The following MARK2 variants were observed in gnomAD, a reference collection of about 807,000 sequenced individuals.
MARK2 encodes the protein serine/threonine-protein kinase MARK2.
MARK2 carries 16 observed loss-of-function variants against 89.8 expected under a neutral mutation model. That is an observed-to-expected ratio of 0.18 (90% CI 0.12 to 0.27). The LOEUF (loss-of-function observed/expected upper bound fraction) is 0.27. MARK2 is among the 10% of genes least tolerant of loss of function. MARK2 has a pLI of 1.00. For synonymous variants in MARK2, 382 were observed against 399.5 expected (o/e 0.96, Z 0.52); for missense variants, 621 against 1,049.9 (o/e 0.59, Z 5.65).
chr11:63,890,022 G>A (rs4980528), intron 1 of MARK2, among the ~76,000 whole-genome samples: 74,410 of 152,044 alleles, frequency 0.49, 20,203 homozygotes, highest in East Asian at 0.88. Context: ...TGAGACCCAG[G>A]GCCAAGCTGA....
intron 1 of MARK2, among the ~76,000 whole-genome samples, chr11:63,848,271 C>T (rs1193644035): frequency 6.6e-6 from 1 of 152,230 alleles, no homozygotes. Flanking sequence ...CTGGTTGCCC[C>T]TGTTGATACT....
intron 1 of MARK2, among the ~76,000 whole-genome samples, chr11:63,866,858 C>G (rs914149274): frequency 2.6e-5 from 4 of 152,160 alleles, no homozygotes; most frequent in Admixed American, 2.0e-4. Flanking sequence ...AATCTTTACC[C>G]CCCAGGCTCT....
chr11:63,840,226 C>A (rs1368647770), intron 1 of MARK2, among the ~76,000 whole-genome samples: 1 of 152,180 alleles, frequency 6.6e-6, no homozygotes, highest in Non-Finnish European at 1.5e-5. Context: ...CAGGAGCTCC[C>A]TGGATCCTGG....
intron 18 of MARK2, 72 bp downstream of exon 18, chr11:63,908,376 C>G (rs1346902061): frequency 1.6e-6 from 2 of 1,283,516 alleles, no homozygotes; most frequent in East Asian, 5.0e-5. Flanking sequence ...CTCCTCTCTT[C>G]CTTCTGCCAC....
In MARK2 at chr11:63,839,166, C is replaced by A. The variant is rs143952440; in HGVS notation, c.-341C>A. The A allele has an allele frequency of 1.5e-5, 3 of 202,724 alleles. No individual in the cohort carries two copies. The highest frequency in any genetic ancestry group is 2.4e-5 in the African/African-American group (1 of 42,550). The allele number at this position is 202,724 out of a possible 1,614,324, so 12.6% of individuals were successfully genotyped here. On this transcript the variant is annotated 5_prime_UTR_variant, in exon 1 of 19. Coordinates refer to ENST00000402010, the MANE Select transcript of MARK2 (RefSeq NM_001039469.3). ...GGTCCGGCGGCGGCTGCCTGTGTGCCGGGCGCGGAGCAGTGCCGCTGAGGG... is the reference window on the plus strand; with the variant it reads ...GGTCCGGCGGCGGCTGCCTGTGTGCAGGGCGCGGAGCAGTGCCGCTGAGGG...
chr11:63,894,144 G>A (rs1032399101), intron 1 of MARK2, among the ~76,000 whole-genome samples: 2 of 152,194 alleles, frequency 1.3e-5, no homozygotes, highest in African/African-American at 2.4e-5. Context: ...CATTGTACAA[G>A]TATTCATTGA....
chr11:63,854,186 C>CTGTG (rs55689743), intron 1 of MARK2, among the ~76,000 whole-genome samples: 39,053 of 141,222 alleles, frequency 0.28, 5,714 homozygotes, highest in Non-Finnish European at 0.33. Flanking sequence ...ACTATTAATT[C>CTGTG]TGTGTGTGTG....
At chr11:63,895,658 C>CGTTTTT in intron 3 of MARK2, 25 bp downstream of exon 3, 1 of 1,161,440 alleles carries the variant, frequency 8.6e-7, no homozygotes, top group Non-Finnish European at 1.2e-6. Context: ...CCTCCTGTCC[C>CGTTTTT]TTTTTTTTTT....
At position 63,900,035 on chromosome 11, in the gene MARK2, G is replaced by A. The variant is rs769985309; in HGVS notation, c.693G>A (p.Val231=). ...GCAAAAAATATGATGGACCCGAGGT[G>A]GATGTGTGGAGCCTAGGAGTTATCC... ...FQGKKYDGPE[V]DVWSLGVILY... The change falls in exon 8 of 19, where the codon GTG becomes GTA. Residue 231 remains valine (V), a synonymous_variant. Coordinates refer to ENST00000402010, the MANE Select transcript of MARK2 (RefSeq NM_001039469.3). The surrounding 1 kb of genome is among the most constrained non-coding windows in gnomAD (Gnocchi z 4.7). The A allele has an allele frequency of 6.2e-7, 1 of 1,614,204 alleles. No homozygotes were observed. The highest frequency in any genetic ancestry group is 1.7e-5 in the Admixed American group (1 of 60,024).
At chr11:63,888,887 C>T (rs532032745) in intron 1 of MARK2, 1 of 1,342,084 alleles carries the variant, frequency 7.5e-7, no homozygotes, top group South Asian at 1.2e-5. Context: ...TGTACTTTGC[C>T]CTCGCTGCCT....
intron 16 of MARK2, 34 bp downstream of exon 16, chr11:63,905,077 A>ATGAG: frequency 1.0e-6 from 1 of 984,688 alleles, no homozygotes; most frequent in Non-Finnish European, 1.4e-6. Flanking sequence ...AGAGAGGCTC[A>ATGAG]GGCCAGGCCT....
chr11:63,900,758 T>TTC lies in MARK2; in HGVS notation c.889-21_889-20insCT. 6.8e-6 allele frequency: 11 copies of TTC among 1,614,022 alleles called. No individual in the cohort carries two copies. Among genetic ancestry groups the TTC allele is most frequent in the Non-Finnish European group, 9.3e-6 (11 of 1,179,880 alleles). On this transcript the variant is annotated intron_variant, in intron 9 of 18. Coordinates refer to ENST00000402010, the MANE Select transcript of MARK2 (RefSeq NM_001039469.3). This position sits in a 1 kb window ranked among gnomAD's most constrained non-coding sequence, Gnocchi z 4.7. ...CAGCTGAGTTTCTTCCCCCTGCCCT[T>TTC]TTCCTTCTCTGTGCTCCCCAGCAAA...
chr11:63,909,303 C>T lies in MARK2; in HGVS notation c.*66C>T. 1 of 1,457,544 alleles carries T rather than the reference C, an allele frequency of 6.9e-7. No homozygotes were observed. Among genetic ancestry groups the T allele is most frequent in the Admixed American group, 2.6e-5 (1 of 37,898 alleles). 90.3% of individuals were successfully genotyped at this position (1,457,544 alleles called of 1,614,324 possible). ...GACGGGCTGCCGGCCGCTGCGCCGC[C>T]CCACCTGGGCGAGACTGCAGCGATG... On this transcript the variant is annotated 3_prime_UTR_variant, in exon 19 of 19. Transcript: ENST00000402010.
intron 1 of MARK2, among the ~76,000 whole-genome samples, chr11:63,883,857 A>G (rs1049822291): frequency 2.6e-5 from 4 of 152,116 alleles, no homozygotes; most frequent in Admixed American, 1.3e-4. Flanking sequence ...AAAGTGCTGG[A>G]ATCAGAGGTG....
intron 1 of MARK2, among the ~76,000 whole-genome samples, chr11:63,878,086 G>A (rs542092389): frequency 3.3e-5 from 5 of 152,332 alleles, no homozygotes; most frequent in East Asian, 1.9e-4. Context: ...CACAGCCCCC[G>A]CATCGGTTGC....
At chr11:63,874,738 GCTCACATGA>G (rs1399629198) in intron 1 of MARK2, among the ~76,000 whole-genome samples, 1 of 152,152 alleles carries the variant, frequency 6.6e-6, no homozygotes, top group Non-Finnish European at 1.5e-5. Flanking sequence ...TGTCGGCCCA[GCTCACATGA>G]CCTTGGTTAT....
chr11:63,848,727 CTT>C (rs911187527), intron 1 of MARK2, among the ~76,000 whole-genome samples: 5 of 144,842 alleles, frequency 3.5e-5, no homozygotes, highest in Admixed American at 2.1e-4. Context: ...ATTTTTTGTA[CTT>C]TTTTTTTTTT....
chr11:63,898,833 G>A lies in MARK2; in HGVS notation c.474G>A (p.Gln158=). 1 of 1,613,584 alleles carries A rather than the reference G, an allele frequency of 6.2e-7. No individual in the cohort carries two copies. The highest frequency in any genetic ancestry group is 8.5e-7 in the Non-Finnish European group (1 of 1,179,874). The change falls in exon 6 of 19, where the codon CAG becomes CAA. Residue 158 remains glutamine (Q), a splice_region_variant and synonymous_variant. Transcript: ENST00000402010. ...KEKEARAKFR[Q]IVSAVQYCHQ... ...AAGAGGCTCGAGCCAAATTCCGCCA[G>A]GTAGGTGTGACTCCCTCCATAGGAG...
chr11:63,896,277 A>G (rs1474522788), intron 3 of MARK2, among the ~76,000 whole-genome samples: 3 of 152,224 alleles, frequency 2.0e-5, no homozygotes, highest in African/African-American at 7.2e-5. Flanking sequence ...GCCCTATGCA[A>G]AAACACATGT....
Sources: gnomAD v4.1 joint callset for allele counts (sites outside exome capture counted in the v4.1 genomes callset) on GRCh38, gnomAD v4.1.1 for gene constraint, Gnocchi (gnomAD v3.1) non-coding constraint, MANE v1.5 for transcripts, NCBI Gene and HGNC (gene_info 2026-07-23, HGNC 2026-07-21) for gene names.